The following MAP1LC3A variants were observed in gnomAD, a reference collection of about 807,000 sequenced individuals.
MAP1LC3A encodes the protein microtubule associated protein 1 light chain 3 alpha, also known as microtubule-associated protein 1 light chain 3 alpha.
Under a neutral mutation model 15.2 loss-of-function variants are expected in MAP1LC3A, and 10 were observed. The ratio of observed to expected loss-of-function variants is 0.66; its 90% confidence interval spans 0.41 to 1.12. The LOEUF is 1.12. MAP1LC3A is among the 50% of genes most tolerant of loss of function. The pLI, the probability that MAP1LC3A is intolerant of heterozygous loss-of-function variation, is 0.00. For missense variants in MAP1LC3A, 138 were observed against 167.3 expected, an observed-to-expected ratio of 0.82 and a Z score of 0.97; for synonymous variants, 63 against 64.3, an observed-to-expected ratio of 0.98 and a Z score of 0.10.
At chr20:34,554,684 T>C (rs1255229526), upstream of MAP1LC3A, among the ~76,000 whole-genome samples, 3 of 151,264 alleles carry the variant, frequency 2.0e-5, no homozygotes, top group Non-Finnish European at 4.4e-5. Context: ...TTTTTGTTTT[T>C]TGAGATGGGG....
chr20:34,554,993 C>CA, upstream of MAP1LC3A, among the ~76,000 whole-genome samples: 1 of 151,738 alleles, frequency 6.6e-6, no homozygotes, highest in Non-Finnish European at 1.5e-5. Context: ...CAGGTGTGGG[C>CA]CACCACACCT....
upstream of MAP1LC3A, among the ~76,000 whole-genome samples, chr20:34,555,980 C>A (rs900399387): frequency 9.2e-5 from 14 of 151,926 alleles, no homozygotes; most frequent in Non-Finnish European, 1.8e-4. Context: ...GTAGCTGGAA[C>A]TACAGGCGCC....
chr20:34,547,721 C>G (rs888005558), intron 1 of MAP1LC3A, among the ~76,000 whole-genome samples: 1 of 152,138 alleles, frequency 6.6e-6, no homozygotes, highest in Non-Finnish European at 1.5e-5. Flanking sequence ...TTTCCTGAGG[C>G]CTCCCCAGCC....
Position 34,551,467 on chromosome 20 carries a change from C to CTTTTT in MAP1LC3A, c.52+1456_52+1460dup, listed in dbSNP as rs58191574. ...GGAACCTTCCAAGGGGAACGCTGTC[C>CTTTTT]TTTTTTTTTTTTTTTTTTTTTTGAG... On this transcript the variant is annotated intron_variant, in intron 2 of 4. Coordinates refer to the MAP1LC3A transcript ENST00000374837. Among the ~76,000 whole-genome samples the CTTTTT allele has an allele frequency of 1.3e-4, 14 of 104,798 alleles. 1 individual carries two copies. The highest frequency in any genetic ancestry group is 3.0e-4 in the East Asian group (1 of 3,336). 68.8% of individuals were successfully genotyped at this position (104,798 alleles called of 152,430 possible).
upstream of MAP1LC3A, among the ~76,000 whole-genome samples, chr20:34,556,683 G>A (rs534590103): frequency 6.6e-5 from 10 of 151,380 alleles, no homozygotes; most frequent in East Asian, 7.8e-4. Context: ...TGCAACCTCC[G>A]CCTAGCAGGT....
At chr20:34,549,367 G>A (rs530015110) in intron 1 of MAP1LC3A, among the ~76,000 whole-genome samples, 7 of 152,258 alleles carry the variant, frequency 4.6e-5, no homozygotes, top group Admixed American at 1.3e-4. Flanking sequence ...ATCCTTCCTC[G>A]GAGATAATGA....
upstream of MAP1LC3A, chr20:34,558,562 T>G (rs1288219153): frequency 3.4e-6 from 4 of 1,171,026 alleles, no homozygotes; most frequent in African/African-American, 4.8e-5. The surrounding 1 kb of genome is among the most constrained non-coding windows in gnomAD (Gnocchi z 4.3). Flanking sequence ...CACGGGACTG[T>G]GACGCGCCCA....
upstream of MAP1LC3A, among the ~76,000 whole-genome samples, chr20:34,557,734 G>A (rs1274732664): frequency 2.0e-5 from 3 of 152,150 alleles, no homozygotes; most frequent in Admixed American, 1.3e-4. Context: ...AGACCATCCT[G>A]GCCAACATGG....
At chr20:34,558,531 C>G (rs1290417533), upstream of MAP1LC3A, 3 of 1,106,206 alleles carry the variant, frequency 2.7e-6, no homozygotes, top group South Asian at 1.3e-4. The surrounding 1 kb of genome is among the most constrained non-coding windows in gnomAD (Gnocchi z 4.3). Context: ...GCGGGAGAAG[C>G]TCCCGCGCTG....
chr20:34,554,238 T>G (rs1051265758), upstream of MAP1LC3A, among the ~76,000 whole-genome samples: 1 of 152,190 alleles, frequency 6.6e-6, no homozygotes, highest in African/African-American at 2.4e-5. Context: ...TCTGGACCCC[T>G]GTACAATACT....
rs1175724821 is a variant in MAP1LC3A, at chr20:34,559,859, C to G, written c.327C>G (p.Leu109=). The G allele has an allele frequency of 6.2e-7, 1 of 1,613,900 alleles. No homozygotes were observed. The highest frequency in any genetic ancestry group is 1.1e-5 in the South Asian group (1 of 91,078). The part of the protein sequence containing the change: ...YEQEKDEDGF[L]YMVYASQETF... Reference sequence around the variant, plus strand: ...AGGAGAAAGACGAGGACGGCTTCCTCTATATGGTCTACGCCTCCCAGGAAA... The same window carrying G: ...AGGAGAAAGACGAGGACGGCTTCCTGTATATGGTCTACGCCTCCCAGGAAA... Residue 109 remains leucine (L), a synonymous_variant, in exon 4 of 4, where the codon CTC becomes CTG. Transcript: ENST00000360668.
upstream of MAP1LC3A, among the ~76,000 whole-genome samples, chr20:34,556,988 G>A (rs1982185846): frequency 6.6e-6 from 1 of 152,176 alleles, no homozygotes; most frequent in African/African-American, 2.4e-5. Flanking sequence ...ATCATTTCAT[G>A]TTGATCCTCT....
chr20:34,557,159 T>C (rs1489787796), upstream of MAP1LC3A, among the ~76,000 whole-genome samples: 1 of 152,234 alleles, frequency 6.6e-6, no homozygotes, highest in Non-Finnish European at 1.5e-5. Context: ...CTGCATCTTA[T>C]TTTTTCTTGG....
chr20:34,556,935 T>C (rs1172430594), upstream of MAP1LC3A, among the ~76,000 whole-genome samples: 6 of 152,226 alleles, frequency 3.9e-5, no homozygotes, highest in South Asian at 2.1e-4. Context: ...CCCTGGAACA[T>C]AGAAGTTCAG....
chr20:34,555,110 C>T (rs1396764822), upstream of MAP1LC3A, among the ~76,000 whole-genome samples: 3 of 150,210 alleles, frequency 2.0e-5, no homozygotes, highest in Non-Finnish European at 4.4e-5. Flanking sequence ...GTAGTTGGGA[C>T]TATAGGTGTG....
Position 34,558,745 on chromosome 20 carries a change from C to G in MAP1LC3A, c.-124C>G. The G allele has an allele frequency of 2.3e-6, 3 of 1,314,300 alleles. No homozygotes were observed. The highest frequency in any genetic ancestry group is 2.9e-6 in the Non-Finnish European group (3 of 1,037,106). 81.4% of individuals were successfully genotyped at this position (1,314,300 alleles called of 1,614,324 possible). A position where few individuals can be genotyped will look rare whatever the true frequency, so the allele number is the denominator to read the frequency against. On this transcript the variant is annotated 5_prime_UTR_variant, in exon 1 of 4. Transcript: ENST00000360668. The surrounding 1 kb of genome is among the most constrained non-coding windows in gnomAD (Gnocchi z 4.3). ...GCGAGTTACCTCCCGCAGCCGCAGC[C>G]GCCGTGCTCAGCGCGAGCCCCGGAG...
chr20:34,556,032 CG>C (rs1226352870), upstream of MAP1LC3A, among the ~76,000 whole-genome samples: 1 of 151,418 alleles, frequency 6.6e-6, no homozygotes, highest in African/African-American at 2.4e-5. Flanking sequence ...TTAGTAGAGA[CG>C]GGGTTTCACC....
chr20:34,550,188 T>C (rs1165693213), intron 2 of MAP1LC3A, among the ~76,000 whole-genome samples: 3 of 152,068 alleles, frequency 2.0e-5, no homozygotes, highest in African/African-American at 7.2e-5. Flanking sequence ...TGGGTCCAAG[T>C]CCGAAGCCAC....
At chr20:34,551,288 A>T (rs1981937838) in intron 2 of MAP1LC3A, among the ~76,000 whole-genome samples, 1 of 151,920 alleles carries the variant, frequency 6.6e-6, no homozygotes, top group Non-Finnish European at 1.5e-5. Context: ...AACATGGGTA[A>T]GCCTCAAAAC....
Sources: gnomAD v4.1 joint callset for allele counts (sites outside exome capture counted in the v4.1 genomes callset) on GRCh38, gnomAD v4.1.1 for gene constraint, Gnocchi (gnomAD v3.1) non-coding constraint, MANE v1.5 for transcripts, NCBI Gene and HGNC (gene_info 2026-07-23, HGNC 2026-07-21) for gene names.